Variants in NINL observed in about 807,000 individuals in gnomAD.
NINL encodes the protein ninein-like protein.
Under a neutral mutation model 160.3 loss-of-function variants are expected in NINL, and 153 were observed. The ratio of observed to expected loss-of-function variants is 0.95; its 90% confidence interval spans 0.84 to 1.09. The LOEUF (loss-of-function observed/expected upper bound fraction) is 1.09, where lower values mean the gene tolerates loss of function less well. NINL is among the 50% of genes least tolerant of loss of function. NINL has a pLI of 0.00. For synonymous variants in NINL, 800 were observed against 734.8 expected, an observed-to-expected ratio of 1.09 and a Z score of -1.43; for missense variants, 1,829 against 1,764.0, an observed-to-expected ratio of 1.04 and a Z score of -0.66.
chr20:25,564,508 G>A (rs1384749748), intron 1 of NINL, among the ~76,000 whole-genome samples: 2 of 152,150 alleles, frequency 1.3e-5, no homozygotes, highest in East Asian at 1.9e-4. Flanking sequence ...AGTAGAGACA[G>A]AGTTTCACCA....
chr20:25,577,877 G>C (rs531073498), intron 1 of NINL, among the ~76,000 whole-genome samples: 2 of 151,404 alleles, frequency 1.3e-5, no homozygotes, highest in African/African-American at 2.4e-5. Flanking sequence ...TCGTTGCCCA[G>C]GCTGGAATGC....
chr20:25,513,509 C>T (rs1424540868), intron 3 of NINL, among the ~76,000 whole-genome samples: 1 of 152,186 alleles, frequency 6.6e-6, no homozygotes, highest in African/African-American at 2.4e-5. Flanking sequence ...TAACAATCAT[C>T]CCAAGACAGC....
At chr20:25,510,808 C>G in intron 4 of NINL, 68 bp from the exon 5 acceptor site, 1 of 1,188,260 alleles carries the variant, frequency 8.4e-7, no homozygotes, top group Non-Finnish European at 1.2e-6. Flanking sequence ...GCACCGGGAA[C>G]AAATAGAGCA....
intron 1 of NINL, among the ~76,000 whole-genome samples, chr20:25,529,240 T>C (rs1318572293): frequency 2.6e-5 from 4 of 152,034 alleles, no homozygotes; most frequent in Non-Finnish European, 5.9e-5. Flanking sequence ...ACCATTGCAC[T>C]CTAGCCTGGG....
chr20:25,561,632 G>A (rs889427165), intron 1 of NINL, among the ~76,000 whole-genome samples: 5 of 151,640 alleles, frequency 3.3e-5, no homozygotes, highest in East Asian at 2.0e-4. Flanking sequence ...AGTGAGGAGC[G>A]TCTCTGCCCA....
chr20:25,458,453 C>T lies in NINL; in HGVS notation c.3773G>A (p.Arg1258His), dbSNP rs138146026. The T allele has an allele frequency of 1.0e-4, 161 of 1,605,224 alleles. No individual in the cohort carries two copies. The highest frequency in any genetic ancestry group is 1.2e-4 in the Non-Finnish European group (136 of 1,179,912). ...LQEVRLVPQDRVAELHRLLSL... is the reference protein window; with the variant it reads ...LQEVRLVPQDHVAELHRLLSL... ...GAGCAGGCGATGCAGCTCGGCCACA[C>T]GGTCCTGGGGCACCAGCCGGACCTC... The change falls in exon 22 of 24, where the codon CGT (arginine) becomes CAT (histidine). Residue 1258 changes from arginine (R) to histidine (H), a missense_variant. Coordinates refer to ENST00000278886, the MANE Select transcript of NINL (RefSeq NM_025176.6).
intron 14 of NINL, among the ~76,000 whole-genome samples, chr20:25,480,667 G>A (rs1479606665): frequency 2.0e-5 from 3 of 152,200 alleles, no homozygotes; most frequent in Non-Finnish European, 2.9e-5. Flanking sequence ...ACAGCTGTGT[G>A]CACGGAGGTT....
At chr20:25,498,706 A>G (rs1172045420) in intron 8 of NINL, among the ~76,000 whole-genome samples, 1 of 152,196 alleles carries the variant, frequency 6.6e-6, no homozygotes, top group Non-Finnish European at 1.5e-5. Context: ...CTCTGAAATA[A>G]TCTATTTTAA....
At chr20:25,480,948 G>A (rs145579184) in intron 14 of NINL, among the ~76,000 whole-genome samples, 140 of 152,228 alleles carry the variant, frequency 9.2e-4, no homozygotes, top group African/African-American at 3.3e-3. Flanking sequence ...CCTCCCTGCA[G>A]CTTCCTGAGA....
chr20:25,575,761 C>T (rs573854945), intron 1 of NINL, among the ~76,000 whole-genome samples: 289 of 105,866 alleles, frequency 2.7e-3, no homozygotes, highest in Middle Eastern at 0.017. Context: ...AAACACAAAA[C>T]AACAAAAAAA....
In NINL at chr20:25,453,602, A is replaced by G. The variant is rs756661899; in HGVS notation, c.3998T>C (p.Leu1333Pro). 5 of 1,611,978 alleles carry G rather than the reference A, an allele frequency of 3.1e-6. No individual in the cohort carries two copies. In the Admixed American group the frequency reaches 8.4e-5, roughly 27 times the overall value. ...CACCAGGTGGGCGTTCTCCACGTAC[A>G]GCTCCTTCAGCAGCAGGTCGGACTT... The part of the protein sequence containing the change: ...NTKSDLLLKE[L>P]YVENAHLVRA... The change falls in exon 24 of 24, where the codon CTG (leucine) becomes CCG (proline). Residue 1333 changes from leucine to proline, a missense_variant. Leu to Pro is a moderately conservative substitution (Grantham distance 98). Coordinates refer to ENST00000278886, the MANE Select transcript of NINL (RefSeq NM_025176.6).
intron 1 of NINL, among the ~76,000 whole-genome samples, chr20:25,553,279 T>C (rs1002736116): frequency 1.1e-4 from 16 of 151,690 alleles, no homozygotes; most frequent in African/African-American, 3.6e-4. Context: ...ATTGGAATCG[T>C]AATTGGCTTC....
At chr20:25,527,221 T>A (rs1285196256) in intron 1 of NINL, among the ~76,000 whole-genome samples, 1 of 151,812 alleles carries the variant, frequency 6.6e-6, no homozygotes, top group Non-Finnish European at 1.5e-5. Context: ...TAGCGTAATC[T>A]CAGCTCACTG....
chr20:25,506,640 C>CT (rs2063967331), intron 5 of NINL, among the ~76,000 whole-genome samples: 3 of 152,354 alleles, frequency 2.0e-5, no homozygotes, highest in Non-Finnish European at 2.9e-5. Context: ...GCAAAATTCT[C>CT]TAACACAAAG....
At chr20:25,538,228 G>T (rs899655790) in intron 1 of NINL, among the ~76,000 whole-genome samples, 1 of 152,122 alleles carries the variant, frequency 6.6e-6, no homozygotes, top group East Asian at 1.9e-4. Flanking sequence ...CCAGGTGAGG[G>T]GAGCTCTGTT....
At chr20:25,481,895 T>C in intron 14 of NINL, 73 bp downstream of exon 14, 1 of 1,550,002 alleles carries the variant, frequency 6.5e-7, no homozygotes, top group Non-Finnish European at 8.7e-7. Flanking sequence ...ATCTCCACTC[T>C]CTTTTCCTGG....
intron 1 of NINL, among the ~76,000 whole-genome samples, chr20:25,550,988 A>C (rs1176487083): frequency 2.0e-5 from 3 of 151,722 alleles, no homozygotes; most frequent in Non-Finnish European, 4.4e-5. Flanking sequence ...GTGGGGGGAA[A>C]CCTTGGACAA....
At chr20:25,501,340 T>C (rs1278723215) in intron 7 of NINL, among the ~76,000 whole-genome samples, 2 of 152,224 alleles carry the variant, frequency 1.3e-5, no homozygotes, top group Non-Finnish European at 2.9e-5. Flanking sequence ...AGTTTTAACG[T>C]TCCACCCTTG....
intron 11 of NINL, 48 bp from the exon 12 acceptor site, chr20:25,490,033 G>A: frequency 6.6e-7 from 1 of 1,515,668 alleles, no homozygotes; most frequent in South Asian, 1.1e-5. Context: ...AGGACGGAGG[G>A]GATGTGTGCA....
Sources: allele counts gnomAD v4.1 joint callset (sites outside exome capture counted in the v4.1 genomes callset), GRCh38; gene constraint gnomAD v4.1.1; transcripts MANE v1.5; gene names NCBI Gene and HGNC (gene_info 2026-07-23, HGNC 2026-07-21).